The following UBAC2 variants were observed in gnomAD, a reference collection of about 807,000 sequenced individuals.
The protein encoded by UBAC2 is UBA domain containing 2.
Under a neutral mutation model 44.0 loss-of-function variants are expected in UBAC2, and 26 were observed. The observed-to-expected ratio is 0.59, with a 90% CI of 0.43 to 0.82. UBAC2 has a LOEUF of 0.82. UBAC2 is among the 40% of genes least tolerant of loss of function. The probability of loss-of-function intolerance (pLI) is 0.00; values close to 1 mark genes in which losing one functional copy is unlikely to be tolerated. For missense variants in UBAC2, 329 were observed against 419.4 expected (o/e 0.78, Z 1.88); for synonymous variants, 155 against 154.3 (o/e 1.00, Z -0.04).
At chr13:99,265,701 C>T (rs924844786) in intron 4 of UBAC2, among the ~76,000 whole-genome samples, 3 of 152,208 alleles carry the variant, frequency 2.0e-5, no homozygotes, top group African/African-American at 7.2e-5. Flanking sequence ...CCTCAGTTAA[C>T]AGGCATATGG....
chr13:99,338,052 T>TC (rs796966114), intron 6 of UBAC2, among the ~76,000 whole-genome samples: 701 of 59,660 alleles, frequency 0.012, 20 homozygotes, highest in Non-Finnish European at 0.021. Context: ...TTTTTCTTTT[T>TC]TTTTTTTTTT....
intron 4 of UBAC2, among the ~76,000 whole-genome samples, chr13:99,285,384 A>G (rs1053409654): frequency 2.1e-5 from 3 of 140,006 alleles, no homozygotes; most frequent in African/African-American, 7.9e-5. Context: ...ATTTATTATT[A>G]CCTTTCTTCT....
At chr13:99,348,397 A>C (rs2045025346) in intron 7 of UBAC2, among the ~76,000 whole-genome samples, 1 of 152,158 alleles carries the variant, frequency 6.6e-6, no homozygotes, top group Non-Finnish European at 1.5e-5. Flanking sequence ...GGATACAGCG[A>C]GGGTAATCTT....
chr13:99,255,010 A>G (rs1389102313), intron 4 of UBAC2: 4 of 1,614,118 alleles, frequency 2.5e-6, no homozygotes, highest in South Asian at 1.1e-5. Flanking sequence ...TTTTGAAACG[A>G]TGTAGTAGAG....
At chr13:99,223,481 CTTAA>C (rs527760575) in intron 1 of UBAC2, among the ~76,000 whole-genome samples, 21 of 141,642 alleles carry the variant, frequency 1.5e-4, no homozygotes, top group Admixed American at 2.8e-4. Flanking sequence ...GATTTCTACT[CTTAA>C]TTATTTCTTT....
At chr13:99,255,648 TAA>T in intron 4 of UBAC2, 1 of 1,613,940 alleles carries the variant, frequency 6.2e-7, no homozygotes, top group Non-Finnish European at 8.5e-7. Flanking sequence ...TTCGAAAGGG[TAA>T]AGTCATTATA....
At chr13:99,201,167 C>T in intron 1 of UBAC2, 1 of 1,364,608 alleles carries the variant, frequency 7.3e-7, no homozygotes, top group Non-Finnish European at 9.5e-7. Context: ...CCGCCCCGAC[C>T]CCACCTGGTA....
intron 4 of UBAC2, among the ~76,000 whole-genome samples, chr13:99,253,413 C>T (rs1283632477): frequency 6.6e-6 from 1 of 151,978 alleles, no homozygotes; most frequent in African/African-American, 2.4e-5. Flanking sequence ...AGAAGATTGT[C>T]TAAGGGACCT....
chr13:99,260,241 A>G (rs1424196985), intron 4 of UBAC2, among the ~76,000 whole-genome samples: 2 of 152,142 alleles, frequency 1.3e-5, no homozygotes, highest in Admixed American at 6.5e-5. Flanking sequence ...AGCACTTGGT[A>G]CCTATCCCTG....
At chr13:99,320,585 A>G (rs2044554912) in intron 6 of UBAC2, among the ~76,000 whole-genome samples, 1 of 152,196 alleles carries the variant, frequency 6.6e-6, no homozygotes, top group Non-Finnish European at 1.5e-5. Context: ...TAATTAGATG[A>G]CTGTTTATTT....
At chr13:99,384,817 G>A (rs915320595) in intron 8 of UBAC2, among the ~76,000 whole-genome samples, 1 of 151,622 alleles carries the variant, frequency 6.6e-6, no homozygotes, top group African/African-American at 2.4e-5. Flanking sequence ...TGCCAGGGCC[G>A]AGCGTGGCAG....
chr13:99,298,185 CA>C (rs779314155), intron 4 of UBAC2, among the ~76,000 whole-genome samples: 4 of 152,110 alleles, frequency 2.6e-5, no homozygotes, highest in Non-Finnish European at 4.4e-5. Flanking sequence ...CTTATTTACT[CA>C]ACATGATTTA....
At chr13:99,356,169 T>G (rs1456146003) in intron 7 of UBAC2, 1 of 534,766 alleles carries the variant, frequency 1.9e-6, no homozygotes, top group East Asian at 5.4e-5. Context: ...GCTGTTGGGT[T>G]GCATCCTAAG....
intron 6 of UBAC2, among the ~76,000 whole-genome samples, chr13:99,320,000 G>A (rs1046040023): frequency 1.4e-4 from 22 of 152,146 alleles, no homozygotes; most frequent in African/African-American, 4.8e-4. Context: ...AAATATTGAA[G>A]TACCTTATTG....
intron 7 of UBAC2, among the ~76,000 whole-genome samples, chr13:99,353,024 CT>C (rs754153729): frequency 6.6e-6 from 1 of 152,206 alleles, no homozygotes; most frequent in Non-Finnish European, 1.5e-5. Context: ...AGCACTTTTC[CT>C]TTTTGGCTAT....
At chr13:99,304,566 C>A (rs2044303916) in intron 4 of UBAC2, among the ~76,000 whole-genome samples, 1 of 152,156 alleles carries the variant, frequency 6.6e-6, no homozygotes, top group Non-Finnish European at 1.5e-5. Flanking sequence ...CTTTCTTAAT[C>A]CTTAATGAAA....
intron 7 of UBAC2, among the ~76,000 whole-genome samples, chr13:99,362,467 ACT>A (rs969290445): frequency 1.3e-5 from 2 of 152,124 alleles, no homozygotes; most frequent in Non-Finnish European, 2.9e-5. Flanking sequence ...GTCAGTTTAT[ACT>A]CTCATCAGCA....
At chr13:99,328,771 A>T (rs1047360319) in intron 6 of UBAC2, among the ~76,000 whole-genome samples, 2 of 152,198 alleles carry the variant, frequency 1.3e-5, no homozygotes, top group African/African-American at 4.8e-5. Context: ...TGAAAATTGT[A>T]TTCTAATTTG....
chr13:99,215,772 G>A, intron 1 of UBAC2: 1 of 1,085,176 alleles, frequency 9.2e-7, no homozygotes, highest in African/African-American at 1.6e-5. Context: ...GAGTTCTGCT[G>A]AAGCTCAAGC....
Sources: allele counts gnomAD v4.1 joint callset (sites outside exome capture counted in the v4.1 genomes callset), GRCh38; gene constraint gnomAD v4.1.1; transcripts MANE v1.5; gene names NCBI Gene and HGNC (gene_info 2026-07-23, HGNC 2026-07-21).